The following LRRC9 variants were observed in gnomAD, a reference collection of about 807,000 sequenced individuals.
LRRC9 encodes leucine-rich repeat-containing protein 9.
LRRC9 carries 122 observed loss-of-function variants against 63.2 expected under a neutral mutation model. That is an observed-to-expected ratio of 1.93 (90% CI 1.67 to 2.24). LRRC9 has a LOEUF of 2.24. Among genes scored for constraint, LRRC9 ranks in the 30% most tolerant of loss-of-function variants. The pLI is 0.00. For missense variants in LRRC9, 1,071 were observed against 627.7 expected (o/e 1.71, Z -7.55); for synonymous variants, 366 against 213.1 (o/e 1.72, Z -6.25).
intron 10 of LRRC9, among the ~76,000 whole-genome samples, chr14:59,963,515 A>G (rs1884549675): frequency 6.6e-6 from 1 of 152,048 alleles, no homozygotes; most frequent in African/African-American, 2.4e-5. Flanking sequence ...TACAACTAAA[A>G]AAAAAAAAAC....
chr14:60,027,258 C>T lies in LRRC9; in HGVS notation c.3704-626C>T, dbSNP rs530257301. On this transcript the variant is annotated intron_variant, in intron 27 of 31. Transcript: ENST00000445360. This position sits in a 1 kb window ranked among gnomAD's most constrained non-coding sequence, Gnocchi z 4.0. ...TGAGACTCTAATAGAAAATACTGTA[C>T]ATATAAAAGCATTTTGTAAATTGGA... is the stretch of plus-strand genomic sequence containing the variant. Among the ~76,000 whole-genome samples the T allele has an allele frequency of 3.9e-5, 6 of 151,992 alleles. No homozygotes were observed. In the East Asian group the frequency reaches 1.2e-3, roughly 29 times the overall value.
intron 23 of LRRC9, among the ~76,000 whole-genome samples, chr14:60,012,947 TA>T (rs1180185537): frequency 2.0e-5 from 3 of 151,504 alleles, no homozygotes; most frequent in Admixed American, 1.3e-4. Context: ...TTTATTTATT[TA>T]TTTATTTTTT....
At chr14:59,993,210 T>G (rs953202416) in intron 17 of LRRC9, among the ~76,000 whole-genome samples, 3 of 152,132 alleles carry the variant, frequency 2.0e-5, no homozygotes, top group African/African-American at 7.2e-5. Flanking sequence ...CCAGCCAAAC[T>G]AAGCTTCATA....
chr14:60,060,696 G>A lies in LRRC9; in HGVS notation c.4277-2627G>A, dbSNP rs1226548632. 6.6e-6 allele frequency among the ~76,000 whole-genome samples: 1 copy of A among 152,110 alleles called. No homozygotes were observed. The highest frequency in any genetic ancestry group is 2.4e-5 in the African/African-American group (1 of 41,410). On this transcript the variant is annotated intron_variant, in intron 31 of 31. Transcript: ENST00000445360. The surrounding 1 kb of genome is among the most constrained non-coding windows in gnomAD (Gnocchi z 4.0). ...GCGGAGCTTGCAGTGAACCGAGATC[G>A]CGCCACTGCTCTCCAGCCTGGGTGA...
At chr14:59,959,268 A>G (rs1884115418) in intron 8 of LRRC9, among the ~76,000 whole-genome samples, 1 of 152,196 alleles carries the variant, frequency 6.6e-6, no homozygotes, top group South Asian at 2.1e-4. Flanking sequence ...CCCCAAAATA[A>G]CAAAATCTTA....
In LRRC9 at chr14:60,003,481, CAATAT is replaced by C; in HGVS notation, c.2665-139_2665-135del. On this transcript the variant is annotated intron_variant, in intron 20 of 31. Coordinates refer to ENST00000445360, the Ensembl canonical transcript of LRRC9. This position sits in a 1 kb window ranked among gnomAD's most constrained non-coding sequence, Gnocchi z 4.2. ...ACTTTTCTGTAAACTGACAGCTTCACAATATCTTTAGCTCCTGAAGGAATTCTTTT... is the reference window on the plus strand; with the variant it reads ...ACTTTTCTGTAAACTGACAGCTTCACCTTTAGCTCCTGAAGGAATTCTTTT... 1.9e-6 allele frequency: 1 copy of C among 535,476 alleles called. No homozygotes were observed. The highest frequency in any genetic ancestry group is 3.3e-6 in the Non-Finnish European group (1 of 307,368). The allele number at this position is 535,476 out of a possible 1,614,324, so 33.2% of individuals were successfully genotyped here. A position where few individuals can be genotyped will look rare whatever the true frequency, so the allele number is the denominator to read the frequency against.
At chr14:60,008,021 G>T in intron 22 of LRRC9, 71 bp from the exon 23 acceptor site, 14 of 458,472 alleles carry the variant, frequency 3.1e-5, no homozygotes, top group Admixed American at 1.2e-4. Flanking sequence ...ATTAAAATTT[G>T]AGGATGGCTA....
intron 1 of LRRC9, among the ~76,000 whole-genome samples, chr14:59,925,350 C>T (rs527954825): frequency 1.3e-5 from 2 of 152,258 alleles, no homozygotes; most frequent in Non-Finnish European, 2.9e-5. Context: ...TCTGCTTCCA[C>T]GATGATGCCT....
chr14:60,039,438 AGACCCTTTTATTG>A (rs1452931480), intron 29 of LRRC9, among the ~76,000 whole-genome samples: 1 of 152,160 alleles, frequency 6.6e-6, no homozygotes, highest in Admixed American at 6.5e-5. Flanking sequence ...CCTCAATTTC[AGACCCTTTTATTG>A]GTCTATTCAG....
intron 1 of LRRC9, among the ~76,000 whole-genome samples, chr14:59,925,677 C>T (rs1306916720): frequency 2.6e-5 from 4 of 152,200 alleles, no homozygotes; most frequent in Non-Finnish European, 5.9e-5. Context: ...TGGTGCATTT[C>T]TCAAACTCCT....
chr14:60,034,184 A>C (rs1892237338), intron 29 of LRRC9, among the ~76,000 whole-genome samples: 1 of 151,090 alleles, frequency 6.6e-6, no homozygotes, highest in Non-Finnish European at 1.5e-5. Context: ...TGCCTGGCTA[A>C]TTTTTTGTAT....
intron 29 of LRRC9, among the ~76,000 whole-genome samples, chr14:60,048,869 T>TCA (rs1566908162): frequency 2.4e-4 from 37 of 152,154 alleles, no homozygotes; most frequent in Admixed American, 6.6e-5. Context: ...CTCTGATGAC[T>TCA]GTTGAGGCAA....
chr14:60,001,515 C>T (rs1017299599), intron 19 of LRRC9, among the ~76,000 whole-genome samples: 10 of 151,958 alleles, frequency 6.6e-5, no homozygotes, highest in Non-Finnish European at 1.5e-4. Flanking sequence ...CAAATATGTG[C>T]AAAACTAAAT....
chr14:59,957,560 C>A (rs1158680360), intron 8 of LRRC9, among the ~76,000 whole-genome samples: 1 of 152,118 alleles, frequency 6.6e-6, no homozygotes, highest in African/African-American at 2.4e-5. Flanking sequence ...AGCTTCCTTG[C>A]ATTGGGTTAG....
intron 12 of LRRC9, 96 bp from the exon 13 acceptor site, chr14:59,974,480 C>T (rs1199001073): frequency 8.9e-6 from 4 of 447,186 alleles, no homozygotes; most frequent in African/African-American, 4.1e-5. Context: ...GATTTCTTTG[C>T]CCAGACACAT....
rs148223010 is a variant in LRRC9, at chr14:60,039,365, A to T, written c.3990+7302A>T. Among the ~76,000 whole-genome samples, 515 of 152,308 alleles carry T rather than the reference A, an allele frequency of 3.4e-3. 18 individuals are homozygous for T. In the East Asian group the frequency reaches 0.058, roughly 17 times the overall value. On this transcript the variant is annotated intron_variant, in intron 29 of 31. Coordinates refer to ENST00000445360, the Ensembl canonical transcript of LRRC9. ...ACCAGCTCCTCTTTGTACCTCTGGT[A>T]GAATTTGGCTGCGAATCCTTCTGGT...
intron 13 of LRRC9, 141 bp from the exon 14 acceptor site, chr14:59,977,084 C>T (rs753887495): frequency 3.1e-5 from 17 of 547,726 alleles, no homozygotes; most frequent in African/African-American, 7.6e-5. Context: ...GTGTTATGCG[C>T]TGTACAGTAG....
chr14:59,939,042 T>TATACGTATATAC (rs1881442595), intron 7 of LRRC9, among the ~76,000 whole-genome samples: 4 of 147,734 alleles, frequency 2.7e-5, no homozygotes, highest in African/African-American at 9.9e-5. Flanking sequence ...TACACATATA[T>TATACGTATATAC]ACATATATAC....
chr14:59,938,584 C>A lies in LRRC9; in HGVS notation c.726+12C>A. 1 of 674,938 alleles carries A rather than the reference C, an allele frequency of 1.5e-6. No homozygotes were observed. Among genetic ancestry groups the A allele is most frequent in the South Asian group, 1.6e-5 (1 of 62,752 alleles). The allele number at this position is 674,938 out of a possible 1,614,324, so 41.8% of individuals were successfully genotyped here. ...AGGAACTGGCAGATGTAAGTACATCCCTAATCAGGCATCTGTGATTTCAGT... is the reference window on the plus strand; with the variant it reads ...AGGAACTGGCAGATGTAAGTACATCACTAATCAGGCATCTGTGATTTCAGT... On this transcript the variant is annotated intron_variant, in intron 7 of 31. Coordinates refer to ENST00000445360, the Ensembl canonical transcript of LRRC9. This position sits in a 1 kb window ranked among gnomAD's most constrained non-coding sequence, Gnocchi z 4.2.
Sources: allele counts gnomAD v4.1 joint callset (sites outside exome capture counted in the v4.1 genomes callset), GRCh38; gene constraint gnomAD v4.1.1; non-coding constraint Gnocchi (gnomAD v3.1); transcripts MANE v1.5; gene names NCBI Gene and HGNC (gene_info 2026-07-23, HGNC 2026-07-21).